Variants in AHNAK observed in about 807,000 individuals in gnomAD.
The protein encoded by AHNAK is neuroblast differentiation-associated protein AHNAK.
A neutral mutation model predicts 37.8 loss-of-function variants in AHNAK; 23 were observed. That is an observed-to-expected ratio of 0.61 (90% CI 0.44 to 0.86). AHNAK has a LOEUF of 0.86. AHNAK is among the 40% of genes least tolerant of loss of function. The pLI, the probability that AHNAK is intolerant of heterozygous loss-of-function variation, is 0.00. For missense variants in AHNAK, 7,411 were observed against 7,319.4 expected (o/e 1.01, Z -0.46); for synonymous variants, 2,481 against 2,636.3 (o/e 0.94, Z 1.80).
chr11:62,454,003 AGGCTG>A, intron 5 of AHNAK, among the ~76,000 whole-genome samples: 2 of 151,926 alleles, frequency 1.3e-5, no homozygotes, highest in Non-Finnish European at 2.9e-5. Flanking sequence ...GCTACTCTGG[AGGCTG>A]AGGCAGGAGA....
At chr11:62,544,030 G>GC (rs769941354) in intron 1 of AHNAK, among the ~76,000 whole-genome samples, 224 of 152,096 alleles carry the variant, frequency 1.5e-3, no homozygotes, top group Non-Finnish European at 2.7e-3. Context: ...ACACCCCAGA[G>GC]CCCCACACAC....
downstream of AHNAK, among the ~76,000 whole-genome samples, chr11:62,512,377 T>C (rs1223003972): frequency 6.6e-6 from 1 of 152,198 alleles, no homozygotes; most frequent in African/African-American, 2.4e-5. The surrounding 1 kb of genome is among the most constrained non-coding windows in gnomAD (Gnocchi z 4.0). Flanking sequence ...CTACCTCCAG[T>C]GCACGCTGGA....
rs1197991484 is a variant in AHNAK, at chr11:62,518,428, T to C, written c.15989A>G (p.Asn5330Ser). Reference protein sequence around the residue: ...PSMKVHAPGLNLSGVGGKMQV... With the variant: ...PSMKVHAPGLSLSGVGGKMQV... ...CATTTTGCCACCGACACCACTGAGG[T>C]TGAGCCCTGGAGCATGCACCTTCAT... is the stretch of plus-strand genomic sequence containing the variant. The change falls in exon 5 of 5, where the codon AAC (asparagine) becomes AGC (serine). Residue 5330 changes from asparagine to serine, a missense_variant. Asn to Ser is a conservative substitution (Grantham distance 46). Transcript: ENST00000378024. 6.2e-7 allele frequency: 1 copy of C among 1,614,094 alleles called. No individual in the cohort carries two copies. The highest frequency in any genetic ancestry group is 1.7e-5 in the Admixed American group (1 of 60,020).
chr11:62,533,451 G>C lies in AHNAK; in HGVS notation c.966C>G (p.Gly322=). 6.2e-7 allele frequency: 1 copy of C among 1,614,008 alleles called. No homozygotes were observed. The highest frequency in any genetic ancestry group is 8.5e-7 in the Non-Finnish European group (1 of 1,179,924). ...PKFGVSTGRE[G]QTPKAGLRVS... ...CCCTCAGCCCTGCCTTTGGTGTCTG[G>C]CCCTCACGCCCTGTTGAGACACCAA... Residue 322 remains glycine (G), a synonymous_variant, in exon 5 of 5, where the codon GGC becomes GGG. Coordinates refer to ENST00000378024, the MANE Select transcript of AHNAK (RefSeq NM_001620.3).
intron 5 of AHNAK, among the ~76,000 whole-genome samples, chr11:62,468,596 G>A (rs1938966354): frequency 6.6e-6 from 1 of 152,024 alleles, no homozygotes; most frequent in African/African-American, 2.4e-5. Flanking sequence ...CTGACCTTCT[G>A]AGAAATCAGG....
intron 5 of AHNAK, among the ~76,000 whole-genome samples, chr11:62,454,774 C>T (rs1309035705): frequency 6.6e-6 from 1 of 151,996 alleles, no homozygotes; most frequent in Non-Finnish European, 1.5e-5. Context: ...AATGAGTGAT[C>T]TCCCCACACT....
intron 5 of AHNAK, among the ~76,000 whole-genome samples, chr11:62,460,762 T>C (rs1415095979): frequency 6.6e-6 from 1 of 151,936 alleles, no homozygotes; most frequent in African/African-American, 2.4e-5. Flanking sequence ...GATAAAGTGG[T>C]CTCAGGTATC....
At chr11:62,461,003 T>C (rs1938771194) in intron 5 of AHNAK, among the ~76,000 whole-genome samples, 1 of 147,608 alleles carries the variant, frequency 6.8e-6, no homozygotes. Context: ...TTTTTTTTTT[T>C]TTTTTTGTAT....
chr11:62,501,521 C>T (rs368507061), intron 4 of AHNAK, among the ~76,000 whole-genome samples: 15 of 152,160 alleles, frequency 9.9e-5, no homozygotes, highest in African/African-American at 3.1e-4. Flanking sequence ...GAGCCGAGAT[C>T]GCGCCACTGC....
chr11:62,434,698 C>A (rs920254446), intron 5 of AHNAK, among the ~76,000 whole-genome samples: 1 of 152,168 alleles, frequency 6.6e-6, no homozygotes, highest in Non-Finnish European at 1.5e-5. Context: ...GAGGCCGAGG[C>A]AGGCGGACCT....
At chr11:62,433,774 G>A (rs1938098408) in exon 6 of AHNAK, 1 of 1,489,046 alleles carries the variant, frequency 6.7e-7, no homozygotes. Flanking sequence ...AACTGCAGGT[G>A]TTTGTTGCCC....
intron 5 of AHNAK, among the ~76,000 whole-genome samples, chr11:62,450,091 G>C (rs913116507): frequency 5.3e-5 from 8 of 149,540 alleles, no homozygotes; most frequent in African/African-American, 1.7e-4. Flanking sequence ...ATTTTATTTT[G>C]TTTTCTTTTG....
At chr11:62,476,900 G>T (rs1475530065) in intron 5 of AHNAK, among the ~76,000 whole-genome samples, 2 of 152,140 alleles carry the variant, frequency 1.3e-5, no homozygotes, top group African/African-American at 4.8e-5. Context: ...TTACATTTAA[G>T]ATATATGCTC....
In AHNAK at chr11:62,533,661, C is replaced by T. The variant is rs151020049; in HGVS notation, c.756G>A (p.Lys252=). 231 of 1,614,126 alleles carry T rather than the reference C, an allele frequency of 1.4e-4. 2 individuals are homozygous for T. Among genetic ancestry groups the T allele is most frequent in the Middle Eastern group, 6.6e-4 (4 of 6,062 alleles). Residue 252 remains lysine, a synonymous_variant, in exon 5 of 5, where the codon AAG becomes AAA. Coordinates refer to ENST00000378024, the MANE Select transcript of AHNAK (RefSeq NM_001620.3). ...SKLQVTMPGI[K]VGGSGVNVNA... ...TGACATTGACACCTGAGCCTCCCAC[C>T]TTTATCCCAGGCATGGTGACCTGGA...
chr11:62,473,464 G>A (rs1332272513), intron 5 of AHNAK, among the ~76,000 whole-genome samples: 4 of 148,978 alleles, frequency 2.7e-5, no homozygotes, highest in South Asian at 4.3e-4. Flanking sequence ...GGGAGGCCAA[G>A]GCGGGTGGAC....
At chr11:62,457,908 A>AT (rs373610508) in intron 5 of AHNAK, among the ~76,000 whole-genome samples, 13,740 of 123,440 alleles carry the variant, frequency 0.11, 1,128 homozygotes, top group East Asian at 0.31. Context: ...GAGAAGCTGA[A>AT]TTTTTTTTTT....
chr11:62,450,065 C>T (rs960687836), intron 5 of AHNAK, among the ~76,000 whole-genome samples: 2 of 151,684 alleles, frequency 1.3e-5, no homozygotes, highest in East Asian at 1.9e-4. Flanking sequence ...GGCAGCATAG[C>T]GAGACCCTGT....
intron 5 of AHNAK, among the ~76,000 whole-genome samples, chr11:62,467,918 A>G (rs939116527): frequency 1.3e-5 from 2 of 152,210 alleles, no homozygotes; most frequent in Non-Finnish European, 2.9e-5. Flanking sequence ...TTCAGCTCAC[A>G]AAGTACTTCC....
rs1224500155 is a variant in AHNAK, at chr11:62,517,628, A to G, written c.16789T>C (p.Trp5597Arg). ...HLSVKGSGGE[W>R]KGPQVSSALN... is the part of the protein sequence containing the mutation. ...GCAGAGGAGACTTGGGGTCCCTTCC[A>G]CTCACCCCCGGAACCTTTAACACTC... The change falls in exon 5 of 5, where the codon TGG (tryptophan) becomes CGG (arginine). Residue 5597 changes from tryptophan to arginine, a missense_variant. Transcript: ENST00000378024. 6.2e-7 allele frequency: 1 copy of G among 1,613,922 alleles called. No individual in the cohort carries two copies. Among genetic ancestry groups the G allele is most frequent in the Non-Finnish European group, 8.5e-7 (1 of 1,179,968 alleles).
Sources: allele counts gnomAD v4.1 joint callset (sites outside exome capture counted in the v4.1 genomes callset), GRCh38; gene constraint gnomAD v4.1.1; non-coding constraint Gnocchi (gnomAD v3.1); transcripts MANE v1.5; gene names NCBI Gene and HGNC (gene_info 2026-07-23, HGNC 2026-07-21).